The following ASTN2 variants were observed in gnomAD, a reference collection of about 807,000 sequenced individuals.
ASTN2 encodes the protein astrotactin-2.
A neutral mutation model predicts 139.8 loss-of-function variants in ASTN2; 54 were observed. The observed-to-expected ratio is 0.39, with a 90% CI of 0.31 to 0.48. The LOEUF (loss-of-function observed/expected upper bound fraction) is 0.48, where lower values mean the gene tolerates loss of function less well. Among genes scored for constraint, ASTN2 ranks in the 20% least tolerant of loss-of-function variants. The pLI is 0.95. For synonymous variants in ASTN2, 756 were observed against 719.5 expected, an observed-to-expected ratio of 1.05 and a Z score of -0.81; for missense variants, 1,565 against 1,725.1, an observed-to-expected ratio of 0.91 and a Z score of 1.64.
chr9:117,267,133 C>T (rs1588146807), intron 2 of ASTN2, among the ~76,000 whole-genome samples: 2 of 152,190 alleles, frequency 1.3e-5, no homozygotes, highest in African/African-American at 2.4e-5. Flanking sequence ...AATCTGGAGA[C>T]CCTAAACTAA....
At chr9:117,002,367 T>G (rs1409772427) in intron 7 of ASTN2, among the ~76,000 whole-genome samples, 1 of 152,136 alleles carries the variant, frequency 6.6e-6, no homozygotes, top group Non-Finnish European at 1.5e-5. Flanking sequence ...GGAAGACATT[T>G]CAGGTGGAGA....
At chr9:116,985,256 G>A (rs905543971) in intron 7 of ASTN2, among the ~76,000 whole-genome samples, 17 of 152,192 alleles carry the variant, frequency 1.1e-4, no homozygotes, top group Admixed American at 2.0e-4. Flanking sequence ...TGTGGACTCC[G>A]CATTGTAGCT....
At chr9:117,083,937 T>A (rs1043364138) in intron 5 of ASTN2, among the ~76,000 whole-genome samples, 1 of 151,872 alleles carries the variant, frequency 6.6e-6, no homozygotes, top group African/African-American at 2.4e-5. Context: ...GTTTTTATAG[T>A]TAGCTGGCTT....
chr9:116,544,680 GA>G (rs1297649485), intron 19 of ASTN2, among the ~76,000 whole-genome samples: 4 of 152,150 alleles, frequency 2.6e-5, no homozygotes, highest in African/African-American at 9.7e-5. Flanking sequence ...AGGACATACA[GA>G]CCTCATACTT....
intron 19 of ASTN2, among the ~76,000 whole-genome samples, chr9:116,495,264 G>T (rs1244789200): frequency 6.6e-6 from 1 of 152,172 alleles, no homozygotes; most frequent in African/African-American, 2.4e-5. Flanking sequence ...ATAAAGGCAT[G>T]CCTCTTTCTA....
chr9:117,018,872 C>T (rs1588485845), intron 6 of ASTN2, among the ~76,000 whole-genome samples: 1 of 151,946 alleles, frequency 6.6e-6, no homozygotes, highest in East Asian at 1.9e-4. Flanking sequence ...TACTTTTATT[C>T]CCATTGTACA....
Position 116,992,452 on chromosome 9 carries a change from TA to T in ASTN2, c.1591+15639del, listed in dbSNP as rs577855355. Reference sequence around the variant, plus strand: ...TAATTAATATTTTTCCCTCCACATTTAAGAGGGCATGTAGAATTGTGTAAGG... The same window carrying T: ...TAATTAATATTTTTCCCTCCACATTTAGAGGGCATGTAGAATTGTGTAAGG... On this transcript the variant is annotated intron_variant, in intron 7 of 22. Transcript: ENST00000313400. Among the ~76,000 whole-genome samples, 192 of 152,284 alleles carry T rather than the reference TA, an allele frequency of 1.3e-3. 2 individuals are homozygous for T. The highest frequency in any genetic ancestry group is 0.011 in the Admixed American group (169 of 15,298).
chr9:116,449,743 C>T (rs1848118715), intron 20 of ASTN2, among the ~76,000 whole-genome samples: 1 of 152,096 alleles, frequency 6.6e-6, no homozygotes, highest in African/African-American at 2.4e-5. Flanking sequence ...AACATTCTCA[C>T]TTGGAACTGT....
In ASTN2 at chr9:116,511,816, G is replaced by A. The variant is rs890396424; in HGVS notation, c.3356-24316C>T. ...AGAGGTGTTTATAGTATTCTCTGAC[G>A]GTAGTATGTATCTCTGTGGGATTGG... On this transcript the variant is annotated intron_variant, in intron 19 of 22. Transcript: ENST00000313400. 9.9e-5 allele frequency among the ~76,000 whole-genome samples: 15 copies of A among 152,048 alleles called. No individual in the cohort carries two copies. The South Asian group carries it at 2.9e-3, about 30-fold the overall frequency.
intron 13 of ASTN2, among the ~76,000 whole-genome samples, chr9:116,767,280 A>T (rs761928473): frequency 2.0e-5 from 3 of 152,042 alleles, no homozygotes. Flanking sequence ...TACCCTCCAC[A>T]CAGGCTCCAG....
intron 16 of ASTN2, among the ~76,000 whole-genome samples, chr9:116,665,530 T>A (rs1277047238): frequency 6.6e-6 from 1 of 152,140 alleles, no homozygotes; most frequent in Non-Finnish European, 1.5e-5. Flanking sequence ...AGGCAATAAA[T>A]ACCCCTACTG....
At chr9:116,842,787 T>A (rs367944154) in intron 11 of ASTN2, among the ~76,000 whole-genome samples, 2 of 151,768 alleles carry the variant, frequency 1.3e-5, no homozygotes, top group African/African-American at 4.8e-5. Flanking sequence ...GGATCAATAG[T>A]CCTTGGTAAT....
intron 2 of ASTN2, among the ~76,000 whole-genome samples, chr9:117,236,422 A>G (rs538422042): frequency 3.4e-4 from 51 of 152,230 alleles, no homozygotes; most frequent in African/African-American, 1.2e-3. Context: ...TGGGCATTGG[A>G]AAAAATGCCA....
intron 3 of ASTN2, among the ~76,000 whole-genome samples, chr9:117,203,388 G>A (rs1327803576): frequency 1.3e-5 from 2 of 152,036 alleles, no homozygotes; most frequent in African/African-American, 4.8e-5. Flanking sequence ...ATAGACAGAT[G>A]TGGTGATCAT....
chr9:116,745,852 C>T (rs888204140), intron 13 of ASTN2, among the ~76,000 whole-genome samples: 9 of 152,194 alleles, frequency 5.9e-5, no homozygotes, highest in African/African-American at 1.4e-4. Flanking sequence ...AGCTGTAAAA[C>T]ATCATCACAA....
chr9:117,135,817 G>A (rs371271635), intron 4 of ASTN2, among the ~76,000 whole-genome samples: 1 of 152,108 alleles, frequency 6.6e-6, no homozygotes. Context: ...GGGTGGGGAG[G>A]AGGAAAGGGC....
intron 10 of ASTN2, among the ~76,000 whole-genome samples, chr9:116,879,303 C>T (rs1002196491): frequency 2.6e-5 from 4 of 152,024 alleles, no homozygotes; most frequent in African/African-American, 9.7e-5. Flanking sequence ...GTCAGTTTCA[C>T]TTTCAGAAAT....
intron 1 of ASTN2, among the ~76,000 whole-genome samples, chr9:117,381,373 C>G (rs1182788299): frequency 1.3e-5 from 2 of 152,080 alleles, no homozygotes; most frequent in Admixed American, 6.6e-5. Context: ...ACATGTATCT[C>G]ATGTTGAAAT....
intron 22 of ASTN2, among the ~76,000 whole-genome samples, chr9:116,435,206 A>G (rs1017515601): frequency 5.9e-5 from 9 of 152,164 alleles, no homozygotes; most frequent in Admixed American, 4.6e-4. Context: ...TGTTACAAAC[A>G]AGGTCCAGAA....
Sources: gnomAD v4.1 joint callset for allele counts (sites outside exome capture counted in the v4.1 genomes callset) on GRCh38, gnomAD v4.1.1 for gene constraint, MANE v1.5 for transcripts, NCBI Gene and HGNC (gene_info 2026-07-23, HGNC 2026-07-21) for gene names.